COL5A2: variants seen among roughly 807,000 people sequenced by gnomAD.
The protein encoded by COL5A2 is collagen type V alpha 2 chain, also known as collagen alpha-2(V) chain.
Under a neutral mutation model 208.2 loss-of-function variants are expected in COL5A2, and 23 were observed. The ratio of observed to expected loss-of-function variants is 0.11; its 90% CI spans 0.08 to 0.16. COL5A2 has a LOEUF of 0.16. Ranked by LOEUF, COL5A2 falls within the 10% of genes least tolerant of loss-of-function variation. The probability of loss-of-function intolerance (pLI) is 1.00; values close to 1 mark genes in which losing one functional copy is unlikely to be tolerated. For missense variants in COL5A2, 1,590 were observed against 1,956.4 expected (o/e 0.81, Z 3.53); for synonymous variants, 625 against 628.5 (o/e 0.99, Z 0.08).
Position 189,033,578 on chromosome 2 carries a change from C to A in COL5A2, c.*492G>T. On this transcript the variant is annotated 3_prime_UTR_variant, in exon 54 of 54. Transcript: ENST00000374866. ...TCGATCACAAGTTAAACATTTTAAA[C>A]TCATTTTTAATTGACAATCTTGGAA... is the stretch of plus-strand genomic sequence containing the variant. 1 of 164,724 alleles carries A rather than the reference C, an allele frequency of 6.1e-6. No individual in the cohort carries two copies. Among genetic ancestry groups the A allele is most frequent in the Non-Finnish European group, 1.3e-5 (1 of 75,700 alleles). 10.2% of individuals were successfully genotyped at this position (164,724 alleles called of 1,614,324 possible).
chr2:189,430,257 G>T, the COL5A2 span, among the ~76,000 whole-genome samples: 1 of 152,184 alleles, frequency 6.6e-6, no homozygotes. Context: ...GTTGAGTTGA[G>T]ATATAGATAC....
chr2:189,327,636 A>G, the COL5A2 span, among the ~76,000 whole-genome samples: 1 of 152,224 alleles, frequency 6.6e-6, no homozygotes, highest in Non-Finnish European at 1.5e-5. Flanking sequence ...GAGTTGAAAG[A>G]TAACTTGAAC....
intron 1 of COL5A2, among the ~76,000 whole-genome samples, chr2:189,179,105 A>G (rs564312285): frequency 3.3e-5 from 5 of 152,174 alleles, no homozygotes; most frequent in East Asian, 1.9e-4. Flanking sequence ...TTCAGTACAA[A>G]AAGACTCCAC....
chr2:189,149,592 G>A (rs1324029548), intron 1 of COL5A2, among the ~76,000 whole-genome samples: 1 of 152,086 alleles, frequency 6.6e-6, no homozygotes, highest in Non-Finnish European at 1.5e-5. Context: ...AGTCACATAT[G>A]AAAAAGGTTA....
intron 1 of COL5A2, among the ~76,000 whole-genome samples, chr2:189,158,673 CAGGAACTGTCAATCT>C (rs1448818632): frequency 5.3e-5 from 8 of 152,046 alleles, no homozygotes; most frequent in African/African-American, 1.9e-4. Context: ...CTCTGTGATA[CAGGAACTGTCAATCT>C]CTTCTAAGAG....
At chr2:189,266,269 T>C in the COL5A2 span, among the ~76,000 whole-genome samples, 2 of 151,778 alleles carry the variant, frequency 1.3e-5, no homozygotes, top group East Asian at 1.9e-4. Flanking sequence ...CTACTAAAAA[T>C]ACAAAAATTA....
At chr2:189,041,206 T>C (rs1036307650) in intron 50 of COL5A2, among the ~76,000 whole-genome samples, 1 of 152,216 alleles carries the variant, frequency 6.6e-6, no homozygotes, top group Non-Finnish European at 1.5e-5. Flanking sequence ...AAAACTTCAA[T>C]TTCATACTCT....
chr2:189,255,089 C>T, the COL5A2 span, among the ~76,000 whole-genome samples: 1 of 152,320 alleles, frequency 6.6e-6, no homozygotes, highest in African/African-American at 2.4e-5. Context: ...AGAAAACAGG[C>T]TATCCACATT....
the COL5A2 span, among the ~76,000 whole-genome samples, chr2:189,315,872 G>C: frequency 6.6e-6 from 1 of 152,040 alleles, no homozygotes; most frequent in Non-Finnish European, 1.5e-5. Flanking sequence ...CAATATCACT[G>C]ATCACTAAAC....
At chr2:189,300,043 A>G in the COL5A2 span, among the ~76,000 whole-genome samples, 15 of 152,190 alleles carry the variant, frequency 9.9e-5, no homozygotes, top group Admixed American at 9.8e-4. Context: ...AAATCATTCC[A>G]TAGTATGCAT....
the COL5A2 span, among the ~76,000 whole-genome samples, chr2:189,385,143 A>G: frequency 6.6e-6 from 1 of 152,110 alleles, no homozygotes; most frequent in African/African-American, 2.4e-5. Context: ...AACCTCACCA[A>G]TCAGGCAAGA....
chr2:189,327,917 C>T, the COL5A2 span, among the ~76,000 whole-genome samples: 1 of 152,116 alleles, frequency 6.6e-6, no homozygotes, highest in Non-Finnish European at 1.5e-5. Flanking sequence ...TTTTCCAAAC[C>T]ATTATACTCT....
At chr2:189,162,068 T>G (rs1688377630) in intron 1 of COL5A2, among the ~76,000 whole-genome samples, 1 of 152,166 alleles carries the variant, frequency 6.6e-6, no homozygotes, top group Non-Finnish European at 1.5e-5. Flanking sequence ...AGGCCTTCCC[T>G]GAGCTCCCAT....
chr2:189,414,113 A>C, the COL5A2 span, among the ~76,000 whole-genome samples: 1 of 151,978 alleles, frequency 6.6e-6, no homozygotes, highest in Non-Finnish European at 1.5e-5. Context: ...ATTTTATTGG[A>C]TGCTATATTG....
chr2:189,434,306 CAT>C, the COL5A2 span, among the ~76,000 whole-genome samples: 1 of 152,122 alleles, frequency 6.6e-6, no homozygotes, highest in African/African-American at 2.4e-5. Context: ...TCCTATTCAA[CAT>C]AGTGTTGGAA....
chr2:189,383,522 A>T, the COL5A2 span, among the ~76,000 whole-genome samples: 84 of 152,206 alleles, frequency 5.5e-4, no homozygotes, highest in Non-Finnish European at 1.1e-3. Context: ...GGTTCTAAAA[A>T]TACTAAGATA....
chr2:189,326,583 C>G, the COL5A2 span, among the ~76,000 whole-genome samples: 1 of 151,848 alleles, frequency 6.6e-6, no homozygotes, highest in Non-Finnish European at 1.5e-5. Context: ...GTCCCAGCTA[C>G]CCAGAAGGCT....
At chr2:189,333,060 C>A in the COL5A2 span, among the ~76,000 whole-genome samples, 1 of 152,072 alleles carries the variant, frequency 6.6e-6, no homozygotes, top group African/African-American at 2.4e-5. Context: ...TAAAGCATAT[C>A]TCACAGCAAA....
chr2:189,190,667 C>G (rs1324568058), intron 1 of COL5A2, among the ~76,000 whole-genome samples: 2 of 152,130 alleles, frequency 1.3e-5, no homozygotes, highest in Admixed American at 6.5e-5. Context: ...ATTTGGGACA[C>G]TGAAATTATC....
Sources: allele counts gnomAD v4.1 joint callset (sites outside exome capture counted in the v4.1 genomes callset), GRCh38; gene constraint gnomAD v4.1.1; transcripts MANE v1.5; gene names NCBI Gene and HGNC (gene_info 2026-07-23, HGNC 2026-07-21).